The following KHDRBS3 variants were observed in gnomAD, a reference collection of about 807,000 sequenced individuals.
KHDRBS3 encodes KH domain-containing, RNA-binding, signal transduction-associated protein 3.
In KHDRBS3, 23 loss-of-function variants were observed where a neutral mutation model predicts 45.6. That is an observed-to-expected ratio of 0.50 (90% confidence interval 0.36 to 0.72). The LOEUF (loss-of-function observed/expected upper bound fraction) is 0.72, where lower values mean the gene tolerates loss of function less well. Ranked by LOEUF, KHDRBS3 falls within the 30% of genes least tolerant of loss-of-function variation. The probability of loss-of-function intolerance (pLI) is 0.00; values close to 1 mark genes in which losing one functional copy is unlikely to be tolerated. For missense variants in KHDRBS3, 352 were observed against 424.8 expected (o/e 0.83, Z 1.51); for synonymous variants, 162 against 156.5 (o/e 1.04, Z -0.26).
chr8:135,480,918 T>C (rs1164802718), intron 1 of KHDRBS3, among the ~76,000 whole-genome samples: 1 of 152,142 alleles, frequency 6.6e-6, no homozygotes, highest in Non-Finnish European at 1.5e-5. Context: ...ATAATCCTGA[T>C]TTGTCTGTCC....
chr8:135,645,509 CT>C (rs1396267138), intron 8 of KHDRBS3, among the ~76,000 whole-genome samples: 2 of 152,138 alleles, frequency 1.3e-5, no homozygotes, highest in Non-Finnish European at 2.9e-5. Context: ...CCACCTTCAT[CT>C]TTATGTTTTA....
At chr8:135,539,928 G>A (rs1166808348) in intron 2 of KHDRBS3, 10 of 152,140 alleles carry the variant, frequency 6.6e-5, no homozygotes, top group African/African-American at 2.4e-4. Flanking sequence ...CTGGAATGCT[G>A]TCAAGTGACC....
Position 135,647,234 on chromosome 8 carries a change from C to T in KHDRBS3, c.*150C>T. The T allele has an allele frequency of 4.1e-6, 1 of 246,846 alleles. No homozygotes were observed. The highest frequency in any genetic ancestry group is 6.9e-6 in the Non-Finnish European group (1 of 145,044). The allele number at this position is 246,846 out of a possible 1,614,324, so 15.3% of individuals were successfully genotyped here. On this transcript the variant is annotated 3_prime_UTR_variant, in exon 9 of 9. Coordinates refer to ENST00000355849, the MANE Select transcript of KHDRBS3 (RefSeq NM_006558.3). Reference sequence around the variant, plus strand: ...ACTTAAAACTACTTTGTTGAAACATCAACCTGGGCAGAAAAAAAAAAAAAA... The same window carrying T: ...ACTTAAAACTACTTTGTTGAAACATTAACCTGGGCAGAAAAAAAAAAAAAA...
chr8:135,561,475 A>G (rs1345006087), intron 5 of KHDRBS3, among the ~76,000 whole-genome samples: 3 of 151,928 alleles, frequency 2.0e-5, no homozygotes, highest in African/African-American at 7.3e-5. Flanking sequence ...GTGTGCTTTC[A>G]TAATCCAAAC....
chr8:135,541,706 C>T (rs959395171), intron 2 of KHDRBS3: 3 of 152,120 alleles, frequency 2.0e-5, no homozygotes, highest in Admixed American at 6.6e-5. Context: ...TTCCTCCCTG[C>T]TGATTTTCTA....
At chr8:135,593,289 C>G (rs1402374705) in intron 6 of KHDRBS3, 1 of 152,034 alleles carries the variant, frequency 6.6e-6, no homozygotes, top group East Asian at 1.9e-4. Flanking sequence ...AGTTGTCACC[C>G]CCACTTTGAA....
At chr8:135,648,329 TAAAC>T (rs926436621), downstream of KHDRBS3, among the ~76,000 whole-genome samples, 1 of 152,218 alleles carries the variant, frequency 6.6e-6, no homozygotes. Context: ...TACTCCCTAT[TAAAC>T]AACTGTAAAA....
At chr8:135,598,748 T>G (rs1243077037) in intron 6 of KHDRBS3, among the ~76,000 whole-genome samples, 1 of 152,196 alleles carries the variant, frequency 6.6e-6, no homozygotes, top group Non-Finnish European at 1.5e-5. Context: ...CAGTGAAAAC[T>G]GAATTTCTGA....
At chr8:135,626,058 G>C in intron 7 of KHDRBS3, 1 of 570,672 alleles carries the variant, frequency 1.8e-6, no homozygotes, top group Admixed American at 2.9e-5. Context: ...AGGCAAGAAT[G>C]AATGTTTGCT....
At chr8:135,479,334 A>C (rs566427365) in intron 1 of KHDRBS3, among the ~76,000 whole-genome samples, 4 of 152,364 alleles carry the variant, frequency 2.6e-5, no homozygotes, top group African/African-American at 9.6e-5. Context: ...AAAAGCTGAG[A>C]TCCAGGTGGC....
At chr8:135,518,259 C>T (rs373213014) in intron 1 of KHDRBS3, among the ~76,000 whole-genome samples, 6 of 152,110 alleles carry the variant, frequency 3.9e-5, no homozygotes, top group East Asian at 1.9e-4. Flanking sequence ...CTGCAAGCTC[C>T]GCCTCCCGTG....
At chr8:135,610,493 A>T (rs560591086) in intron 7 of KHDRBS3, among the ~76,000 whole-genome samples, 2 of 151,868 alleles carry the variant, frequency 1.3e-5, no homozygotes, top group East Asian at 3.9e-4. Flanking sequence ...GCTAGGCATT[A>T]TGCTTGATGC....
At chr8:135,462,805 C>G (rs144468671) in intron 1 of KHDRBS3, among the ~76,000 whole-genome samples, 1 of 152,174 alleles carries the variant, frequency 6.6e-6, no homozygotes, top group African/African-American at 2.4e-5. Flanking sequence ...GTCCATTGTT[C>G]TTTTTACCAT....
intron 4 of KHDRBS3, among the ~76,000 whole-genome samples, chr8:135,653,929 T>G (rs1023799688): frequency 6.6e-6 from 1 of 152,220 alleles, no homozygotes; most frequent in Non-Finnish European, 1.5e-5. Flanking sequence ...GCCCTTTATT[T>G]AGTCAGTAAT....
At chr8:135,648,940 A>G (rs528995196), downstream of KHDRBS3, among the ~76,000 whole-genome samples, 17 of 152,330 alleles carry the variant, frequency 1.1e-4, no homozygotes, top group African/African-American at 4.1e-4. Flanking sequence ...CAAATTTAAT[A>G]TATAATATCC....
At chr8:135,532,307 G>T (rs1013529646) in intron 2 of KHDRBS3, among the ~76,000 whole-genome samples, 1 of 152,118 alleles carries the variant, frequency 6.6e-6, no homozygotes, top group African/African-American at 2.4e-5. Flanking sequence ...AGTATCGATC[G>T]GTTCTTTCAA....
At chr8:135,464,829 G>C (rs1821617229) in intron 1 of KHDRBS3, among the ~76,000 whole-genome samples, 1 of 152,230 alleles carries the variant, frequency 6.6e-6, no homozygotes, top group Non-Finnish European at 1.5e-5. Context: ...CACATAGCTA[G>C]TAACTGGTGA....
chr8:135,588,902 C>T (rs1278912525), intron 6 of KHDRBS3, among the ~76,000 whole-genome samples: 1 of 152,170 alleles, frequency 6.6e-6, no homozygotes, highest in Non-Finnish European at 1.5e-5. Flanking sequence ...CAAAGGGCCT[C>T]ATTCTTCCCC....
intron 7 of KHDRBS3, among the ~76,000 whole-genome samples, chr8:135,626,315 T>A (rs1166082753): frequency 1.3e-5 from 2 of 152,232 alleles, no homozygotes; most frequent in African/African-American, 4.8e-5. Flanking sequence ...TTTTTAACTA[T>A]TCTATGCCAG....
Sources: allele counts gnomAD v4.1 joint callset (sites outside exome capture counted in the v4.1 genomes callset), GRCh38; gene constraint gnomAD v4.1.1; transcripts MANE v1.5; gene names NCBI Gene and HGNC (gene_info 2026-07-23, HGNC 2026-07-21).